GPC6: variants seen among roughly 807,000 people sequenced by gnomAD.
GPC6 encodes glypican 6, also known as glypican-6.
Under a neutral mutation model 55.2 loss-of-function variants are expected in GPC6, and 14 were observed. The ratio of observed to expected loss-of-function variants is 0.25; its 90% CI spans 0.17 to 0.40. The LOEUF is 0.40. Ranked by LOEUF, GPC6 falls within the 10% of genes least tolerant of loss-of-function variation. The pLI is 1.00. For synonymous variants in GPC6, 278 were observed against 259.6 expected (o/e 1.07, Z -0.68); for missense variants, 641 against 708.5 (o/e 0.90, Z 1.08).
At chr13:94,350,973 G>A (rs879936459) in intron 6 of GPC6, among the ~76,000 whole-genome samples, 4 of 152,134 alleles carry the variant, frequency 2.6e-5, no homozygotes, top group Admixed American at 1.3e-4. Flanking sequence ...CAGGGATGAC[G>A]CTGCCCTGAA....
At chr13:93,608,291 T>C (rs910101054) in intron 2 of GPC6, among the ~76,000 whole-genome samples, 1 of 152,158 alleles carries the variant, frequency 6.6e-6, no homozygotes, top group Non-Finnish European at 1.5e-5. Context: ...TCAATTACTG[T>C]TGTATTATTT....
intron 1 of GPC6, among the ~76,000 whole-genome samples, chr13:93,381,903 G>T (rs928552071): frequency 6.6e-6 from 1 of 151,998 alleles, no homozygotes; most frequent in Non-Finnish European, 1.5e-5. Flanking sequence ...AATTACAGGG[G>T]TTTAATTGAT....
chr13:93,275,960 T>C (rs1020531795), intron 1 of GPC6, among the ~76,000 whole-genome samples: 19 of 152,154 alleles, frequency 1.2e-4, no homozygotes, highest in Non-Finnish European at 2.1e-4. Flanking sequence ...TGGCAAGCTC[T>C]GCCTCCCGGG....
In GPC6 at chr13:93,516,818, A is replaced by G. The variant is rs115052006; in HGVS notation, c.161-28445A>G. Among the ~76,000 whole-genome samples, 1,379 of 151,960 alleles carry G rather than the reference A, an allele frequency of 9.1e-3. 20 individuals carry two copies. Among genetic ancestry groups the G allele is most frequent in the African/African-American group, 0.031 (1,299 of 41,540 alleles). On this transcript the variant is annotated intron_variant, in intron 1 of 8. Coordinates refer to ENST00000377047, the MANE Select transcript of GPC6 (RefSeq NM_005708.5). ...GTGGGCTCCTCTGAATTTTTAAACT[A>G]TAAAATCACCTCCAGCTTTTGAATT...
At chr13:94,203,355 A>G (rs532709999) in intron 4 of GPC6, among the ~76,000 whole-genome samples, 1 of 152,060 alleles carries the variant, frequency 6.6e-6, no homozygotes, top group South Asian at 2.1e-4. Flanking sequence ...ACTTATATAT[A>G]TAATTATTGT....
At chr13:94,369,578 A>G (rs1879440568) in intron 6 of GPC6, among the ~76,000 whole-genome samples, 1 of 152,164 alleles carries the variant, frequency 6.6e-6, no homozygotes, top group Non-Finnish European at 1.5e-5. Flanking sequence ...TTAAGATGGG[A>G]TTTATTCCAT....
chr13:94,311,784 C>T (rs937438892), intron 6 of GPC6, among the ~76,000 whole-genome samples: 4 of 152,022 alleles, frequency 2.6e-5, no homozygotes, highest in South Asian at 2.1e-4. Flanking sequence ...GGAACAGGAA[C>T]GCTGCAGAAA....
rs1875234608 is a variant in GPC6 at position 93,382,769 on chromosome 13, T to G, written c.160+155153T>G. On this transcript the variant is annotated intron_variant, in intron 1 of 8. Transcript: ENST00000377047. ...TTACATTTTTATGTCTAGCATTGTT[T>G]CTCAAAGAAACATTGAATAATGCTA... is the stretch of plus-strand genomic sequence containing the variant. 2.0e-5 allele frequency among the ~76,000 whole-genome samples: 3 copies of G among 152,228 alleles called. No individual in the cohort carries two copies. The South Asian group carries it at 6.2e-4, about 32-fold the overall frequency.
At chr13:93,783,120 G>T (rs1268749012) in intron 2 of GPC6, among the ~76,000 whole-genome samples, 1 of 152,072 alleles carries the variant, frequency 6.6e-6, no homozygotes, top group Non-Finnish European at 1.5e-5. Flanking sequence ...ATGGCTTCCG[G>T]CTTCATCCAT....
At chr13:93,436,781 A>G (rs1369219204) in intron 1 of GPC6, among the ~76,000 whole-genome samples, 1 of 152,184 alleles carries the variant, frequency 6.6e-6, no homozygotes, top group African/African-American at 2.4e-5. Context: ...ATTCTAGAAT[A>G]GACAGGGAGA....
chr13:93,708,365 C>A (rs773645004), intron 2 of GPC6, among the ~76,000 whole-genome samples: 95 of 151,878 alleles, frequency 6.3e-4, no homozygotes, highest in Middle Eastern at 6.8e-3. Flanking sequence ...TATCTGCTGG[C>A]AGAGAATCAC....
Position 93,616,741 on chromosome 13 carries a change from G to C in GPC6, c.319+71320G>C, listed in dbSNP as rs141194640. On this transcript the variant is annotated intron_variant, in intron 2 of 8. Coordinates refer to ENST00000377047, the MANE Select transcript of GPC6 (RefSeq NM_005708.5). ...GTTTTATGAATACCCATAGATTAAA[G>C]AAACACAAACAATTCCCACAACCAA... 9.6e-4 allele frequency among the ~76,000 whole-genome samples: 146 copies of C among 152,184 alleles called. 1 individual carries two copies. The highest frequency in any genetic ancestry group is 3.4e-3 in the African/African-American group (140 of 41,564).
intron 3 of GPC6, among the ~76,000 whole-genome samples, chr13:93,956,188 T>A (rs1033556622): frequency 6.6e-6 from 1 of 152,098 alleles, no homozygotes; most frequent in African/African-American, 2.4e-5. Context: ...TCTCTCACTC[T>A]CTCCACTGTG....
chr13:94,334,186 G>A (rs760489334), intron 6 of GPC6, among the ~76,000 whole-genome samples: 3 of 152,198 alleles, frequency 2.0e-5, no homozygotes, highest in Non-Finnish European at 4.4e-5. Flanking sequence ...CTCTGTCACA[G>A]CCATTCAACT....
intron 1 of GPC6, among the ~76,000 whole-genome samples, chr13:93,248,397 G>A (rs1876673303): frequency 7.1e-6 from 1 of 141,744 alleles, no homozygotes; most frequent in African/African-American, 2.6e-5. Flanking sequence ...AAAAAAAAAA[G>A]TCTAAAAATG....
At chr13:93,797,244 T>C (rs1325525866) in intron 2 of GPC6, among the ~76,000 whole-genome samples, 1 of 152,190 alleles carries the variant, frequency 6.6e-6, no homozygotes, top group Non-Finnish European at 1.5e-5. Flanking sequence ...GGTGATTAGA[T>C]GTCACTGAAC....
the GPC6 span, among the ~76,000 whole-genome samples, chr13:93,217,857 T>C: frequency 3.9e-5 from 6 of 152,154 alleles, no homozygotes; most frequent in Non-Finnish European, 5.9e-5. Context: ...GTAAAGACAT[T>C]CATTCTCTAA....
intron 3 of GPC6, among the ~76,000 whole-genome samples, chr13:93,921,672 C>T (rs1305389296): frequency 2.6e-5 from 4 of 151,462 alleles, no homozygotes; most frequent in East Asian, 2.0e-4. Flanking sequence ...CTTGTCGGCT[C>T]ATGGAGCCTG....
At chr13:93,489,410 C>T (rs1879864605) in intron 1 of GPC6, among the ~76,000 whole-genome samples, 1 of 151,370 alleles carries the variant, frequency 6.6e-6, no homozygotes, top group African/African-American at 2.4e-5. Flanking sequence ...AGTGTGATGC[C>T]TCCAGCTTTG....
Sources: gnomAD v4.1 joint callset for allele counts (sites outside exome capture counted in the v4.1 genomes callset) on GRCh38, gnomAD v4.1.1 for gene constraint, MANE v1.5 for transcripts, NCBI Gene and HGNC (gene_info 2026-07-23, HGNC 2026-07-21) for gene names.